The following ADCY2 variants were observed in gnomAD, a reference collection of about 807,000 sequenced individuals.
ADCY2 encodes adenylate cyclase 2.
ADCY2 carries 31 observed loss-of-function variants against 125.2 expected under a neutral mutation model. That is an observed-to-expected ratio of 0.25 (90% confidence interval 0.19 to 0.33). The LOEUF (loss-of-function observed/expected upper bound fraction) is 0.33. Among genes scored for constraint, ADCY2 ranks in the 10% least tolerant of loss-of-function variants. ADCY2 has a pLI of 1.00. For missense variants in ADCY2, 904 were observed against 1,418.2 expected (o/e 0.64, Z 5.82); for synonymous variants, 512 against 548.4 (o/e 0.93, Z 0.93).
At chr5:7,568,765 T>C (rs1735985487) in intron 3 of ADCY2, among the ~76,000 whole-genome samples, 1 of 152,200 alleles carries the variant, frequency 6.6e-6, no homozygotes, top group African/African-American at 2.4e-5. Context: ...TGAAATTTTA[T>C]TTCATTCTAT....
chr5:7,756,498 T>C (rs1742995606), intron 15 of ADCY2, among the ~76,000 whole-genome samples: 1 of 152,112 alleles, frequency 6.6e-6, no homozygotes, highest in African/African-American at 2.4e-5. Flanking sequence ...TATTCAAGCT[T>C]TAAAAAAGAA....
chr5:7,434,641 G>T (rs1047001687), intron 2 of ADCY2, among the ~76,000 whole-genome samples: 2 of 152,226 alleles, frequency 1.3e-5, no homozygotes, highest in Admixed American at 6.5e-5. Flanking sequence ...TTTAATAAAT[G>T]CAGAAGCATG....
At chr5:7,559,450 G>T (rs376225598) in intron 3 of ADCY2, among the ~76,000 whole-genome samples, 15 of 152,278 alleles carry the variant, frequency 9.9e-5, no homozygotes, top group African/African-American at 3.6e-4. Context: ...GTGAATGGGA[G>T]TTTGTTTGTG....
intron 3 of ADCY2, among the ~76,000 whole-genome samples, chr5:7,556,643 G>A (rs1735514804): frequency 6.6e-6 from 1 of 152,180 alleles, no homozygotes; most frequent in South Asian, 2.1e-4. Context: ...GACTGGTACT[G>A]GTCCATGGCC....
At chr5:7,795,886 CT>C (rs1436805592) in intron 20 of ADCY2, 1 of 152,104 alleles carries the variant, frequency 6.6e-6, no homozygotes, top group Non-Finnish European at 1.5e-5. Flanking sequence ...CATACCTTAA[CT>C]TTAAAATACT....
intron 4 of ADCY2, among the ~76,000 whole-genome samples, chr5:7,658,704 G>A (rs1346158205): frequency 2.0e-5 from 3 of 152,146 alleles, no homozygotes; most frequent in African/African-American, 4.8e-5. Context: ...CCAATAAAAT[G>A]TGTGTGTCTA....
At chr5:7,631,615 G>T (rs915859370) in intron 4 of ADCY2, among the ~76,000 whole-genome samples, 1 of 152,162 alleles carries the variant, frequency 6.6e-6, no homozygotes, top group African/African-American at 2.4e-5. Flanking sequence ...CATCCAAAAT[G>T]GTATCCTGCT....
chr5:7,468,076 A>T (rs2126451319), intron 2 of ADCY2, among the ~76,000 whole-genome samples: 1 of 152,334 alleles, frequency 6.6e-6, no homozygotes, highest in South Asian at 2.1e-4. Context: ...GATTATAGAG[A>T]CTGTTATAGT....
At chr5:7,521,015 T>G (rs954689628) in intron 3 of ADCY2, 116 bp downstream of exon 3, 20 of 1,304,156 alleles carry the variant, frequency 1.5e-5, no homozygotes, top group Non-Finnish European at 2.0e-5. Context: ...CTGTTCCCTT[T>G]CTGCCCCTTG....
chr5:7,828,867 G>A lies in ADCY2; in HGVS notation c.*1996G>A, dbSNP rs540009814. On this transcript the variant is annotated 3_prime_UTR_variant, in exon 25 of 25. Coordinates refer to ENST00000338316, the MANE Select transcript of ADCY2 (RefSeq NM_020546.3). The stretch of plus-strand genomic sequence containing the variant: ...CTACACTCATCCGCAGGTCACCTTA[G>A]TTCACCTACCCTGAGTGAACACCCC... 6.6e-6 allele frequency: 1 copy of A among 152,266 alleles called. No homozygotes were observed. Among genetic ancestry groups the A allele is most frequent in the Non-Finnish European group, 1.5e-5 (1 of 68,040 alleles). 9.4% of individuals were successfully genotyped at this position (152,266 alleles called of 1,614,324 possible).
chr5:7,812,207 T>C (rs1744966364), intron 22 of ADCY2, among the ~76,000 whole-genome samples: 1 of 152,040 alleles, frequency 6.6e-6, no homozygotes, highest in African/African-American at 2.4e-5. Flanking sequence ...TAGGTCTCTG[T>C]GGAAATGAAA....
At chr5:7,674,387 G>T (rs1223301770) in intron 4 of ADCY2, among the ~76,000 whole-genome samples, 1 of 152,156 alleles carries the variant, frequency 6.6e-6, no homozygotes, top group Non-Finnish European at 1.5e-5. Context: ...GGCGCCCACA[G>T]GACAGCAGGG....
rs869287430 is a variant in ADCY2, at chr5:7,418,647, G to GTTTTTTTTTTTTTTTTTTTTTTT, written c.408+3881_408+3903dup. On this transcript the variant is annotated intron_variant, in intron 2 of 24. Coordinates refer to ENST00000338316, the MANE Select transcript of ADCY2 (RefSeq NM_020546.3). ...AATTAAAAACAAAAGTCTACCTTCT[G>GTTTTTTTTTTTTTTTTTTTTTTT]TTTTTTTTTTTTTTTTTTTTTTTTT... Among the ~76,000 whole-genome samples, 3 of 73,766 alleles carry GTTTTTTTTTTTTTTTTTTTTTTT rather than the reference G, an allele frequency of 4.1e-5. 1 individual carries two copies. Among genetic ancestry groups the GTTTTTTTTTTTTTTTTTTTTTTT allele is most frequent in the African/African-American group, 6.2e-5 (1 of 16,070 alleles). 48.4% of individuals were successfully genotyped at this position (73,766 alleles called of 152,430 possible).
At chr5:7,486,394 A>G (rs1337915487) in intron 2 of ADCY2, among the ~76,000 whole-genome samples, 1 of 152,234 alleles carries the variant, frequency 6.6e-6, no homozygotes, top group Non-Finnish European at 1.5e-5. Flanking sequence ...TACTTGGTTT[A>G]TAAACTTTCT....
At chr5:7,644,951 G>C (rs1047462675) in intron 4 of ADCY2, among the ~76,000 whole-genome samples, 1 of 152,090 alleles carries the variant, frequency 6.6e-6, no homozygotes, top group Non-Finnish European at 1.5e-5. Context: ...ATAATGCAGT[G>C]CCCTTAACTG....
intron 3 of ADCY2, among the ~76,000 whole-genome samples, chr5:7,567,929 T>TTCTC (rs10590625): frequency 2.3e-3 from 342 of 146,560 alleles, no homozygotes; most frequent in African/African-American, 8.0e-3. Flanking sequence ...CGTCCTCTCT[T>TTCTC]TCTCTCTCTC....
At chr5:7,510,956 A>T (rs1744032621) in intron 2 of ADCY2, among the ~76,000 whole-genome samples, 1 of 152,224 alleles carries the variant, frequency 6.6e-6, no homozygotes, top group Admixed American at 6.5e-5. Context: ...CTAGGGAATT[A>T]ACACGTGTGT....
chr5:7,771,417 G>A (rs938674289), intron 17 of ADCY2, among the ~76,000 whole-genome samples: 2 of 152,232 alleles, frequency 1.3e-5, no homozygotes. Flanking sequence ...GCCACCTGAA[G>A]TGAAGGGTGG....
chr5:7,487,095 T>A (rs1437038651), intron 2 of ADCY2, among the ~76,000 whole-genome samples: 1 of 152,204 alleles, frequency 6.6e-6, no homozygotes. Flanking sequence ...CAAGATGTCT[T>A]AAAAAGGCTA....
Sources: gnomAD v4.1 joint callset for allele counts (sites outside exome capture counted in the v4.1 genomes callset) on GRCh38, gnomAD v4.1.1 for gene constraint, MANE v1.5 for transcripts, NCBI Gene and HGNC (gene_info 2026-07-23, HGNC 2026-07-21) for gene names.